MFSD6: variants seen among roughly 807,000 people sequenced by gnomAD.
The protein encoded by MFSD6 is major facilitator superfamily domain containing 6.
A neutral mutation model predicts 56.3 loss-of-function variants in MFSD6; 26 were observed. The observed-to-expected ratio is 0.46, with a 90% CI of 0.34 to 0.64. MFSD6 has a LOEUF of 0.64. MFSD6 is among the 30% of genes least tolerant of loss of function. The pLI is 0.01. For missense variants in MFSD6, 750 were observed against 986.2 expected (o/e 0.76, Z 3.21); for synonymous variants, 331 against 366.9 (o/e 0.90, Z 1.12).
intron 2 of MFSD6, among the ~76,000 whole-genome samples, chr2:190,422,182 T>C (rs565514139): frequency 1.3e-5 from 2 of 152,360 alleles, no homozygotes; most frequent in South Asian, 4.1e-4. Context: ...CATCCTTGAA[T>C]GTTTCACCAG....
rs1689541762 is a variant in MFSD6, at chr2:190,494,327, AACTAAGTAGTGAGACTG to A, written c.1892-3110_1892-3094del. On this transcript the variant is annotated intron_variant, in intron 6 of 7. Transcript: ENST00000392328. This position sits in a 1 kb window ranked among gnomAD's most constrained non-coding sequence, Gnocchi z 5.7. ...GAAGAATTAGAAACCCTGAACAGAC[AACTAAGTAGTGAGACTG>A]AATCAGTAATAAAAAAATTGCCAAC... Among the ~76,000 whole-genome samples, 1 of 151,980 alleles carries A rather than the reference AACTAAGTAGTGAGACTG, an allele frequency of 6.6e-6. No homozygotes were observed. The highest frequency in any genetic ancestry group is 2.4e-5 in the African/African-American group (1 of 41,438).
rs1686949497 is a variant in MFSD6 at position 190,454,992 on chromosome 2, A to ATATGTG, written c.1533-14761_1533-14760insGTATGT. Among the ~76,000 whole-genome samples, 1 of 78,496 alleles carries ATATGTG rather than the reference A, an allele frequency of 1.3e-5. No individual in the cohort carries two copies. The highest frequency in any genetic ancestry group is 3.3e-5 in the African/African-American group (1 of 30,344). The allele number at this position is 78,496 out of a possible 152,430, so 51.5% of individuals were successfully genotyped here. ...TATATGTATATGTATATGTATATGT[A>ATATGTG]TATGTATAATGTATATGTATATGTA... On this transcript the variant is annotated intron_variant, in intron 3 of 7. Transcript: ENST00000392328. The surrounding 1 kb of genome is among the most constrained non-coding windows in gnomAD (Gnocchi z 4.6).
Position 190,418,005 on chromosome 2 carries a change from T to TGTGTGTGTGTGA in MFSD6, c.-54+2593_-54+2594insTGTGTGTGTGAG, listed in dbSNP as rs1471953262. Among the ~76,000 whole-genome samples the TGTGTGTGTGTGA allele has an allele frequency of 6.7e-6, 1 of 149,910 alleles. No individual in the cohort carries two copies. Among genetic ancestry groups the TGTGTGTGTGTGA allele is most frequent in the Non-Finnish European group, 1.5e-5 (1 of 67,258 alleles). On this transcript the variant is annotated intron_variant, in intron 2 of 7. Coordinates refer to ENST00000392328, the MANE Select transcript of MFSD6 (RefSeq NM_017694.4). This position sits in a 1 kb window ranked among gnomAD's most constrained non-coding sequence, Gnocchi z 4.1. Reference sequence around the variant, plus strand: ...GTGTGTGTGTGTGTGTGTGTGTATGTGAGAGAGAGAGAGATGTGGTTTATC... The same window carrying TGTGTGTGTGTGA: ...GTGTGTGTGTGTGTGTGTGTGTATGTGTGTGTGTGTGAGAGAGAGAGAGAGATGTGGTTTATC...
At position 190,436,683 on chromosome 2, in the gene MFSD6, A is replaced by G. The variant is rs745765120; in HGVS notation, c.654A>G (p.Pro218=). The G allele has an allele frequency of 9.9e-6, 16 of 1,614,088 alleles. No individual in the cohort carries two copies. The East Asian group carries it at 3.6e-4, about 36-fold the overall frequency. The change falls in exon 3 of 8, where the codon CCA becomes CCG. Residue 218 remains proline, a synonymous_variant. Coordinates refer to ENST00000392328, the MANE Select transcript of MFSD6 (RefSeq NM_017694.4). The surrounding 1 kb of genome is among the most constrained non-coding windows in gnomAD (Gnocchi z 5.3). The stretch of plus-strand genomic sequence containing the variant: ...ACACCGTTACTTTGCCAACAGCTCC[A>G]AACATGAACAGTGAACCCACTCTGC... ...VSDTVTLPTA[P]NMNSEPTLQP...
rs1690870277 is a variant in MFSD6 at position 190,418,234 on chromosome 2, A to AC, written c.-54+2825dup. Among the ~76,000 whole-genome samples the AC allele has an allele frequency of 1.3e-5, 2 of 152,154 alleles. No homozygotes were observed. The highest frequency in any genetic ancestry group is 4.8e-5 in the African/African-American group (2 of 41,444). On this transcript the variant is annotated intron_variant, in intron 2 of 7. Transcript: ENST00000392328. This position sits in a 1 kb window ranked among gnomAD's most constrained non-coding sequence, Gnocchi z 4.1. ...TAAAACTGGGAAAGGAATCATTTCC[A>AC]CCCCAGAGAACTGTTGTGAGTATTA...
intron 3 of MFSD6, among the ~76,000 whole-genome samples, chr2:190,468,863 CAG>C (rs954278380): frequency 5.3e-5 from 8 of 152,018 alleles, no homozygotes; most frequent in African/African-American, 1.9e-4. Context: ...ATTCAGAAAA[CAG>C]AGCATTAAGG....
chr2:190,479,689 G>A (rs1688550763), intron 4 of MFSD6, among the ~76,000 whole-genome samples: 1 of 152,128 alleles, frequency 6.6e-6, no homozygotes, highest in Non-Finnish European at 1.5e-5. Flanking sequence ...CTATTAAAAT[G>A]TATCTGATGA....
At chr2:190,409,481 G>A (rs781352959) in intron 1 of MFSD6, among the ~76,000 whole-genome samples, 1 of 152,140 alleles carries the variant, frequency 6.6e-6, no homozygotes, top group South Asian at 2.1e-4. Context: ...TTAAATAGAT[G>A]TGTGTGCTTG....
chr2:190,450,228 C>T (rs2125085585), intron 3 of MFSD6, among the ~76,000 whole-genome samples: 1 of 152,086 alleles, frequency 6.6e-6, no homozygotes, highest in South Asian at 2.1e-4. Flanking sequence ...TATATTTCTA[C>T]ATATACATGG....
intron 1 of MFSD6, 137 bp downstream of exon 1, chr2:190,408,640 G>C (rs2124970871): frequency 6.6e-6 from 1 of 152,374 alleles, no homozygotes; most frequent in East Asian, 1.9e-4. Flanking sequence ...TTCGGGGCCG[G>C]GGCTCGGAGC....
At chr2:190,473,584 G>T in intron 4 of MFSD6, among the ~76,000 whole-genome samples, 1 of 152,154 alleles carries the variant, frequency 6.6e-6, no homozygotes, top group Non-Finnish European at 1.5e-5. Context: ...AGTCCTTAGA[G>T]ACCTACAAAG....
In MFSD6 at chr2:190,447,861, A is replaced by G. The variant is rs1686640699; in HGVS notation, c.1532+10300A>G. 6.6e-6 allele frequency among the ~76,000 whole-genome samples: 1 copy of G among 152,232 alleles called. No individual in the cohort carries two copies. The highest frequency in any genetic ancestry group is 2.1e-4 in the South Asian group (1 of 4,830). On this transcript the variant is annotated intron_variant, in intron 3 of 7. Coordinates refer to ENST00000392328, the MANE Select transcript of MFSD6 (RefSeq NM_017694.4). The surrounding 1 kb of genome is among the most constrained non-coding windows in gnomAD (Gnocchi z 4.5). ...ATTTGGTTTTTATCATCCCTTGAAAAGAACATCTTTGCAAAGAAATATCTT... is the reference window on the plus strand; with the variant it reads ...ATTTGGTTTTTATCATCCCTTGAAAGGAACATCTTTGCAAAGAAATATCTT...
chr2:190,437,068 G>A lies in MFSD6; in HGVS notation c.1039G>A (p.Asp347Asn), dbSNP rs778012614. ...LAMLSVGIGI[D>N]YTHIEVLIDG... ...GATGCTGTCTGTGGGCATCGGGATC[G>A]ACTACACCCACATCGAAGTGCTCAT... is the stretch of plus-strand genomic sequence containing the variant. Residue 347 changes from aspartate (D) to asparagine (N), a missense_variant, in exon 3 of 8, where the codon GAC becomes AAC. Around this residue, in one of 5 missense-constraint regions of MFSD6, gnomAD observed 376 missense variants for 437.9 expected, o/e 0.86. Transcript: ENST00000392328. This position sits in a 1 kb window ranked among gnomAD's most constrained non-coding sequence, Gnocchi z 5.9. The A allele has an allele frequency of 1.2e-6, 2 of 1,614,084 alleles. No individual in the cohort carries two copies. Among genetic ancestry groups the A allele is most frequent in the Non-Finnish European group, 1.7e-6 (2 of 1,180,058 alleles).
rs1690824170 is a variant in MFSD6 at position 190,417,429 on chromosome 2, T to C, written c.-54+2016T>C. On this transcript the variant is annotated intron_variant, in intron 2 of 7. Transcript: ENST00000392328. The surrounding 1 kb of genome is among the most constrained non-coding windows in gnomAD (Gnocchi z 5.7). ...CCTGTGCTTGCTCCTGTTTGAACAT[T>C]TAGCATAAGGTGTTGTGATTGTGTG... is the stretch of plus-strand genomic sequence containing the variant. Among the ~76,000 whole-genome samples the C allele has an allele frequency of 6.6e-6, 1 of 152,168 alleles. No homozygotes were observed. The highest frequency in any genetic ancestry group is 6.5e-5 in the Admixed American group (1 of 15,286).
chr2:190,489,820 G>A lies in MFSD6; in HGVS notation c.1845G>A (p.Leu615=), dbSNP rs1689228446. The A allele has an allele frequency of 6.2e-7, 1 of 1,614,178 alleles. No individual in the cohort carries two copies. Among genetic ancestry groups the A allele is most frequent in the South Asian group, 1.1e-5 (1 of 91,074 alleles). Residue 615 remains leucine, a synonymous_variant, in exon 6 of 8, where the codon CTG becomes CTA. Transcript: ENST00000392328. The surrounding 1 kb of genome is among the most constrained non-coding windows in gnomAD (Gnocchi z 6.6). ...GCATGGCCTGCTTGGTGATCCTACT[G>A]CTCTTTGCCCTGATCCAGTGGCTGG... ...GIGMACLVIL[L]LFALIQWLAV...
At chr2:190,479,159 C>A (rs1371271504) in intron 4 of MFSD6, among the ~76,000 whole-genome samples, 1 of 152,098 alleles carries the variant, frequency 6.6e-6, no homozygotes, top group African/African-American at 2.4e-5. Flanking sequence ...GCTATTCAAG[C>A]CTTTATTGGG....
chr2:190,439,927 A>G lies in MFSD6; in HGVS notation c.1532+2366A>G, dbSNP rs1471728185. Among the ~76,000 whole-genome samples the G allele has an allele frequency of 6.6e-6, 1 of 152,252 alleles. No homozygotes were observed. Among genetic ancestry groups the G allele is most frequent in the Non-Finnish European group, 1.5e-5 (1 of 68,034 alleles). ...TAGTGATAATTTTGGGAGCTCAGTCAGGTGGTATTGGTTGTGATTTGGGGA... is the reference window on the plus strand; with the variant it reads ...TAGTGATAATTTTGGGAGCTCAGTCGGGTGGTATTGGTTGTGATTTGGGGA... On this transcript the variant is annotated intron_variant, in intron 3 of 7. Coordinates refer to ENST00000392328, the MANE Select transcript of MFSD6 (RefSeq NM_017694.4). This position sits in a 1 kb window ranked among gnomAD's most constrained non-coding sequence, Gnocchi z 5.8.
rs1686256508 is a variant in MFSD6, at chr2:190,438,513, C to T, written c.1532+952C>T. Among the ~76,000 whole-genome samples, 1 of 152,184 alleles carries T rather than the reference C, an allele frequency of 6.6e-6. No individual in the cohort carries two copies. Among genetic ancestry groups the T allele is most frequent in the Non-Finnish European group, 1.5e-5 (1 of 68,022 alleles). ...CCTGGGCAACAGAGTGAGACTCCAT[C>T]TAAAAAAAGAGAACACCCTGTAAGT... On this transcript the variant is annotated intron_variant, in intron 3 of 7. Transcript: ENST00000392328. The surrounding 1 kb of genome is among the most constrained non-coding windows in gnomAD (Gnocchi z 5.2).
rs563381953 is a variant in MFSD6 at position 190,453,454 on chromosome 2, C to G, written c.1532+15893C>G. On this transcript the variant is annotated intron_variant, in intron 3 of 7. Transcript: ENST00000392328. ...GGCATGTAGAGAACAGCTCCATCTT[C>G]CTCCTCTCTATTCCCCTTTCTTATT... 1.1e-3 allele frequency among the ~76,000 whole-genome samples: 163 copies of G among 152,294 alleles called. 5 individuals are homozygous for G. In the South Asian group the frequency reaches 0.033, roughly 30 times the overall value.
Sources: gnomAD v4.1 joint callset for allele counts (sites outside exome capture counted in the v4.1 genomes callset) on GRCh38, gnomAD v4.1.1 for gene constraint, gnomAD v4.1.1 regional missense constraint, Gnocchi (gnomAD v3.1) non-coding constraint, MANE v1.5 for transcripts, NCBI Gene and HGNC (gene_info 2026-07-23, HGNC 2026-07-21) for gene names.